LONP1: variants seen among roughly 807,000 people sequenced by gnomAD.
The protein encoded by LONP1 is lon protease homolog, mitochondrial.
A neutral mutation model predicts 98.5 loss-of-function variants in LONP1; 31 were observed. The ratio of observed to expected loss-of-function variants is 0.31; its 90% CI spans 0.24 to 0.42. The LOEUF (loss-of-function observed/expected upper bound fraction) is 0.42. LONP1 is among the 20% of genes least tolerant of loss of function. The probability of loss-of-function intolerance (pLI) is 1.00; values close to 1 mark genes in which losing one functional copy is unlikely to be tolerated. For missense variants in LONP1, 1,336 were observed against 1,350.6 expected, an observed-to-expected ratio of 0.99 and a Z score of 0.17; for synonymous variants, 781 against 594.7, an observed-to-expected ratio of 1.31 and a Z score of -4.56.
Position 5,700,810 on chromosome 19 carries a change from C to A in LONP1, c.1485G>T (p.Glu495Asp). 2 of 1,614,202 alleles carry A rather than the reference C, an allele frequency of 1.2e-6. No individual in the cohort carries two copies. Among genetic ancestry groups the A allele is most frequent in the Non-Finnish European group, 1.7e-6 (2 of 1,180,026 alleles). ...AVLEEDHYGM[E>D]DVKKRILEFI... ...TCACCAGGATGCGTTTCTTGACGTC[C>A]TCCATGCCGTAGTGGTCTTCCTCCA... The change falls in exon 9 of 18, where the codon GAG becomes GAT. Residue 495 changes from glutamate (E) to aspartate (D), a missense_variant. Physicochemically the swap from Glu to Asp is conservative, Grantham distance 45. Coordinates refer to ENST00000360614, the MANE Select transcript of LONP1 (RefSeq NM_004793.4).
intron 10 of LONP1, among the ~76,000 whole-genome samples, chr19:5,697,721 C>G (rs968746457): frequency 6.6e-6 from 1 of 151,582 alleles, no homozygotes; most frequent in East Asian, 2.0e-4. Flanking sequence ...CTGTTAATAA[C>G]AACGATCCAT....
intron 1 of LONP1, among the ~76,000 whole-genome samples, chr19:5,715,427 A>G (rs886774720): frequency 3.3e-5 from 5 of 150,714 alleles, no homozygotes; most frequent in African/African-American, 1.2e-4. Context: ...GCAGATCACA[A>G]GGTCAGGAGA....
rs768203965 is a variant in LONP1, at chr19:5,696,291, G to T, written c.1854C>A (p.Asn618Lys). Residue 618 changes from asparagine to lysine, a missense_variant, in exon 12 of 18, where the codon AAC becomes AAA. Asn to Lys is a moderately conservative substitution (Grantham distance 94). Coordinates refer to ENST00000360614, the MANE Select transcript of LONP1 (RefSeq NM_004793.4). ...LELLDPEQNANFLDHYLDVPV... is the reference protein window; with the variant it reads ...LELLDPEQNAKFLDHYLDVPV... Reference sequence around the variant, plus strand: ...GCACGTCCAGGTAGTGGTCCAGGAAGTTGGCATTCTGCTCTGGGTCCAGCA... The same window carrying T: ...GCACGTCCAGGTAGTGGTCCAGGAATTTGGCATTCTGCTCTGGGTCCAGCA... 13 of 1,613,362 alleles carry T rather than the reference G, an allele frequency of 8.1e-6. No homozygotes were observed. Among genetic ancestry groups the T allele is most frequent in the Non-Finnish European group, 1.1e-5 (13 of 1,179,910 alleles).
Position 5,719,776 on chromosome 19 carries a change from A to G in LONP1, c.357T>C (p.Asp119=). 6.2e-7 allele frequency: 1 copy of G among 1,613,352 alleles called. No individual in the cohort carries two copies. Among genetic ancestry groups the G allele is most frequent in the South Asian group, 1.1e-5 (1 of 91,080 alleles). ...ITALTPMTIP[D]VFPHLPLIAI... Reference sequence around the variant, plus strand: ...CGATGAGCGGCAGGTGCGGAAACACATCGGGGATCGTCATGGGCGTGAGCG... The same window carrying G: ...CGATGAGCGGCAGGTGCGGAAACACGTCGGGGATCGTCATGGGCGTGAGCG... The change falls in exon 1 of 18, where the codon GAT becomes GAC. Residue 119 remains aspartate (D), a synonymous_variant. Coordinates refer to ENST00000360614, the MANE Select transcript of LONP1 (RefSeq NM_004793.4).
chr19:5,698,170 C>G (rs1243945746), intron 10 of LONP1, among the ~76,000 whole-genome samples: 1 of 151,986 alleles, frequency 6.6e-6, no homozygotes, highest in Admixed American at 6.6e-5. Context: ...GTGGCCGCCC[C>G]CTGGGGACTG....
chr19:5,704,402 C>T lies in LONP1; in HGVS notation c.1367+1370G>A, dbSNP rs568265305. ...TGCTGGGAGGGGAAGCCACAGCCTT[C>T]GCGCGCAACCAGTGCCTCTCAGGGC... On this transcript the variant is annotated intron_variant, in intron 8 of 17. Coordinates refer to ENST00000360614, the MANE Select transcript of LONP1 (RefSeq NM_004793.4). 7.2e-5 allele frequency among the ~76,000 whole-genome samples: 11 copies of T among 152,294 alleles called. 1 individual carries two copies. The South Asian group carries it at 1.2e-3, about 17-fold the overall frequency.
chr19:5,692,023 G>C lies in LONP1; in HGVS notation c.*9C>G. The C allele has an allele frequency of 3.1e-6, 5 of 1,609,574 alleles. No individual in the cohort carries two copies. The highest frequency in any genetic ancestry group is 4.2e-6 in the Non-Finnish European group (5 of 1,177,430). ...CTGACATCCGCCGCCTGCAGTCCCG[G>C]GGTGGCCGTCACCGTTCCACGGCCA... On this transcript the variant is annotated 3_prime_UTR_variant, in exon 18 of 18. Transcript: ENST00000360614.
At chr19:5,694,349 G>T in intron 15 of LONP1, 38 bp downstream of exon 15, 1 of 1,602,848 alleles carries the variant, frequency 6.2e-7, no homozygotes, top group Non-Finnish European at 8.5e-7. Flanking sequence ...GGTAGAAATG[G>T]GAATGGCTTT....
chr19:5,696,406 G>A lies in LONP1; in HGVS notation c.1774-35C>T, dbSNP rs371593829. The A allele has an allele frequency of 9.6e-5, 154 of 1,605,124 alleles. 2 individuals carry two copies. Among genetic ancestry groups the A allele is most frequent in the South Asian group, 8.9e-4 (80 of 90,106 alleles). ...CAGACAGCAGGTGGTGCCCCTCGCC[G>A]TGCCCCTGGCCAGCCCGCCCAGTGG... On this transcript the variant is annotated intron_variant, in intron 11 of 17. Coordinates refer to ENST00000360614, the MANE Select transcript of LONP1 (RefSeq NM_004793.4).
intron 1 of LONP1, among the ~76,000 whole-genome samples, chr19:5,716,439 A>C (rs2055324632): frequency 6.6e-6 from 1 of 151,168 alleles, no homozygotes; most frequent in Admixed American, 6.6e-5. Context: ...AAAGAGCATC[A>C]CATGATGCCG....
rs376654909 is a variant in LONP1, at chr19:5,700,870, G to A, written c.1425C>T (p.Asn475=). The change falls in exon 9 of 18, where the codon AAC becomes AAT. Residue 475 remains asparagine, a synonymous_variant. Coordinates refer to ENST00000360614, the MANE Select transcript of LONP1 (RefSeq NM_004793.4). ...GTGCCCGCGCCAGGTCCAGGTTCTC[G>A]TTGCTGTACTTGCCCCAAGGGATGG... is the stretch of plus-strand genomic sequence containing the variant. ...LTSIPWGKYS[N]ENLDLARAQA... The A allele has an allele frequency of 1.5e-5, 24 of 1,614,110 alleles. No individual in the cohort carries two copies. Among genetic ancestry groups the A allele is most frequent in the African/African-American group, 5.3e-5 (4 of 74,938 alleles).
intron 6 of LONP1, 151 bp downstream of exon 6, chr19:5,707,546 A>G: frequency 1.3e-6 from 1 of 782,940 alleles, no homozygotes; most frequent in Non-Finnish European, 2.1e-6. Context: ...CCAGGGACAC[A>G]CAGCTGGGTG....
chr19:5,692,727 T>G (rs2054850485), intron 17 of LONP1, among the ~76,000 whole-genome samples: 1 of 152,098 alleles, frequency 6.6e-6, no homozygotes, highest in Admixed American at 6.5e-5. Flanking sequence ...GCCTCCCAAT[T>G]TGCCTCCACC....
At chr19:5,706,111 C>T in intron 7 of LONP1, 119 bp from the exon 8 acceptor site, 1 of 678,946 alleles carries the variant, frequency 1.5e-6, no homozygotes, top group Non-Finnish European at 2.6e-6. Flanking sequence ...GAAACGAAAC[C>T]CAGAGCACGA....
chr19:5,715,650 A>AT (rs2055305911), intron 1 of LONP1, among the ~76,000 whole-genome samples: 2 of 98,380 alleles, frequency 2.0e-5, no homozygotes, highest in African/African-American at 8.2e-5. Context: ...TCATAAAAAA[A>AT]AAAAAAAAAA....
At chr19:5,696,397 C>T (rs981442012) in intron 11 of LONP1, 26 bp from the exon 12 acceptor site, 7 of 1,608,174 alleles carry the variant, frequency 4.4e-6, no homozygotes, top group East Asian at 4.5e-5. Flanking sequence ...GCAGGTGGTG[C>T]CCCTCGCCGT....
intron 13 of LONP1, among the ~76,000 whole-genome samples, chr19:5,695,806 A>T (rs866193604): frequency 3.3e-5 from 5 of 152,292 alleles, no homozygotes; most frequent in East Asian, 1.9e-4. Flanking sequence ...CGGGAGACAG[A>T]GTGTGTGGCC....
chr19:5,708,642 C>T (rs533958075), intron 4 of LONP1: 222 of 514,588 alleles, frequency 4.3e-4, no homozygotes, highest in African/African-American at 3.7e-3. Flanking sequence ...GTCTCCTTAC[C>T]CCTCAGAGCC....
At chr19:5,714,723 A>G (rs111805993) in intron 1 of LONP1, among the ~76,000 whole-genome samples, 28,707 of 147,774 alleles carry the variant, frequency 0.19, 3,041 homozygotes, top group Middle Eastern at 0.34. Context: ...GGATCAAGCA[A>G]TTCTCTGCCT....
Sources: allele counts gnomAD v4.1 joint callset (sites outside exome capture counted in the v4.1 genomes callset), GRCh38; gene constraint gnomAD v4.1.1; transcripts MANE v1.5; gene names NCBI Gene and HGNC (gene_info 2026-07-23, HGNC 2026-07-21).